The following CPA4 variants were observed in gnomAD, a reference collection of about 807,000 sequenced individuals.
CPA4 encodes the protein carboxypeptidase A4, also known as carboxypeptidase A3.
Under a neutral mutation model 54.7 loss-of-function variants are expected in CPA4, and 49 were observed. The ratio of observed to expected loss-of-function variants is 0.90; its 90% CI spans 0.71 to 1.14. The LOEUF is 1.14. CPA4 is among the 50% of genes most tolerant of loss of function. CPA4 has a pLI of 0.00. For missense variants in CPA4, 487 were observed against 525.1 expected, an observed-to-expected ratio of 0.93 and a Z score of 0.71; for synonymous variants, 215 against 206.8, an observed-to-expected ratio of 1.04 and a Z score of -0.34.
rs565378051 is a variant in CPA4 at position 130,308,939 on chromosome 7, C to T, written c.793+542C>T. The stretch of plus-strand genomic sequence containing the variant: ...CTTGGCTCACTCTCACTGCAACCTC[C>T]GCCTCCCGGGTTCAAGTGATTCTCC... On this transcript the variant is annotated intron_variant, in intron 8 of 10. Transcript: ENST00000222482. 4.0e-5 allele frequency among the ~76,000 whole-genome samples: 6 copies of T among 149,696 alleles called. No individual in the cohort carries two copies. In the East Asian group the frequency reaches 9.8e-4, roughly 25 times the overall value.
Position 130,299,342 on chromosome 7 carries a change from G to T in CPA4, c.223G>T (p.Ala75Ser), listed in dbSNP as rs965718167. ...CCTGGTCCCATCTGTCAGTCTGCAG[G>T]CATTTAAATCCTTCCTGAGATCCCA... Reference protein sequence around the residue: ...DVLVPSVSLQAFKSFLRSQGL... With the variant: ...DVLVPSVSLQSFKSFLRSQGL... Residue 75 changes from alanine to serine, a missense_variant, in exon 3 of 11, where the codon GCA becomes TCA. Coordinates refer to ENST00000222482, the MANE Select transcript of CPA4 (RefSeq NM_016352.4). The T allele has an allele frequency of 6.2e-7, 1 of 1,613,622 alleles. No homozygotes were observed. Among genetic ancestry groups the T allele is most frequent in the African/African-American group, 1.3e-5 (1 of 75,020 alleles).
chr7:130,316,676 G>C (rs62489506), intron 10 of CPA4, among the ~76,000 whole-genome samples: 1 of 152,064 alleles, frequency 6.6e-6, no homozygotes, highest in Non-Finnish European at 1.5e-5. Context: ...GTTGGCTCAC[G>C]CCTGTAATCC....
intron 5 of CPA4, among the ~76,000 whole-genome samples, chr7:130,305,187 C>T (rs1056190134): frequency 1.3e-5 from 2 of 152,196 alleles, no homozygotes; most frequent in African/African-American, 2.4e-5. Flanking sequence ...CCCTCAGCTT[C>T]GTATAAGTCC....
chr7:130,296,134 C>T (rs544575870), intron 1 of CPA4, among the ~76,000 whole-genome samples: 111 of 152,238 alleles, frequency 7.3e-4, no homozygotes, highest in African/African-American at 2.6e-3. Flanking sequence ...ATGGGCCTGA[C>T]AGATGAGAAA....
In CPA4 at chr7:130,300,907, T is replaced by C; in HGVS notation, c.377T>C (p.Leu126Pro). ...NNFNYGAYHS[L>P]EAIYHEMDNI... ...TTCAACTACGGGGCTTACCATTCCC[T>C]GGAAGCTGTAAGTGTTTCAGAGTGG... is the stretch of plus-strand genomic sequence containing the variant. Residue 126 changes from leucine to proline, a missense_variant, in exon 4 of 11, where the codon CTG becomes CCG. Physicochemically the swap from Leu to Pro is moderately conservative, Grantham distance 98 (BLOSUM62 -3). Coordinates refer to ENST00000222482, the MANE Select transcript of CPA4 (RefSeq NM_016352.4). 6.2e-7 allele frequency: 1 copy of C among 1,608,890 alleles called. No homozygotes were observed. The highest frequency in any genetic ancestry group is 1.3e-5 in the African/African-American group (1 of 74,966).
intron 10 of CPA4, among the ~76,000 whole-genome samples, chr7:130,315,626 G>A (rs944738512): frequency 2.6e-5 from 4 of 152,082 alleles, no homozygotes; most frequent in South Asian, 2.1e-4. Context: ...ATTTGGAGGC[G>A]ACAATAGAAA....
chr7:130,302,311 A>G (rs1793750756), intron 4 of CPA4, among the ~76,000 whole-genome samples: 1 of 151,798 alleles, frequency 6.6e-6, no homozygotes, highest in Non-Finnish European at 1.5e-5. Flanking sequence ...ACATGGTGAA[A>G]CCCCGTCTCA....
At chr7:130,315,245 G>C (rs945403659) in intron 10 of CPA4, among the ~76,000 whole-genome samples, 2 of 152,070 alleles carry the variant, frequency 1.3e-5, no homozygotes, top group African/African-American at 4.8e-5. Context: ...GAGGGGAAAC[G>C]AGAGGGGTTG....
chr7:130,296,500 C>A (rs530946692), intron 1 of CPA4, among the ~76,000 whole-genome samples: 1 of 152,088 alleles, frequency 6.6e-6, no homozygotes, highest in Non-Finnish European at 1.5e-5. Context: ...TGGGTGAATG[C>A]GTAACATGAT....
chr7:130,297,165 G>A (rs889145726), intron 1 of CPA4, among the ~76,000 whole-genome samples: 1 of 151,828 alleles, frequency 6.6e-6, no homozygotes, highest in African/African-American at 2.4e-5. Context: ...ATTTTGTCCA[G>A]GATGATCTTG....
At chr7:130,302,815 G>T (rs779925674) in intron 4 of CPA4, among the ~76,000 whole-genome samples, 6 of 152,086 alleles carry the variant, frequency 3.9e-5, no homozygotes, top group Non-Finnish European at 7.4e-5. Context: ...TAGCTCTCAA[G>T]TTCCAGCTCC....
chr7:130,320,520 C>A (rs1195209636), intron 10 of CPA4, among the ~76,000 whole-genome samples: 1 of 152,174 alleles, frequency 6.6e-6, no homozygotes, highest in Non-Finnish European at 1.5e-5. Context: ...CGGAGTCTCA[C>A]TGGAAGCATC....
At chr7:130,298,002 G>A (rs949347252) in intron 1 of CPA4, among the ~76,000 whole-genome samples, 5 of 152,126 alleles carry the variant, frequency 3.3e-5, no homozygotes, top group Admixed American at 6.6e-5. Flanking sequence ...GAGACTGGCC[G>A]GCCCCGTCTG....
chr7:130,322,803 C>G lies in CPA4; in HGVS notation c.*127C>G, dbSNP rs1794138077. The stretch of plus-strand genomic sequence containing the variant: ...TGGGTTTGTGGAGCACACAGGCCTG[C>G]CCCTCTCCAGCCAGCTCCCTGGAGT... On this transcript the variant is annotated 3_prime_UTR_variant, in exon 11 of 11. Transcript: ENST00000222482. 6 of 881,614 alleles carry G rather than the reference C, an allele frequency of 6.8e-6. No individual in the cohort carries two copies. In the South Asian group the frequency reaches 9.3e-5, roughly 14 times the overall value. The allele number at this position is 881,614 out of a possible 1,614,324, so 54.6% of individuals were successfully genotyped here.
At chr7:130,317,465 T>C (rs765275539) in intron 10 of CPA4, among the ~76,000 whole-genome samples, 3 of 152,146 alleles carry the variant, frequency 2.0e-5, no homozygotes, top group African/African-American at 4.8e-5. Flanking sequence ...CCTCCTTTTA[T>C]TTCTCTAAAT....
intron 7 of CPA4, 25 bp downstream of exon 7, chr7:130,306,922 C>A: frequency 7.9e-7 from 1 of 1,259,038 alleles, no homozygotes; most frequent in Non-Finnish European, 1.2e-6. Flanking sequence ...ATGGGCTGGG[C>A]TTGCAGACTG....
At chr7:130,298,319 C>A (rs1256025437) in intron 1 of CPA4, among the ~76,000 whole-genome samples, 1 of 152,160 alleles carries the variant, frequency 6.6e-6, no homozygotes, top group East Asian at 1.9e-4. Context: ...ACATTCCTTC[C>A]TGTAAAATAT....
Position 130,310,490 on chromosome 7 carries a change from C to T in CPA4, c.794-297C>T, listed in dbSNP as rs1793894263. Among the ~76,000 whole-genome samples, 1 of 152,216 alleles carries T rather than the reference C, an allele frequency of 6.6e-6. No homozygotes were observed. On this transcript the variant is annotated intron_variant, in intron 8 of 10. Coordinates refer to ENST00000222482, the MANE Select transcript of CPA4 (RefSeq NM_016352.4). The surrounding 1 kb of genome is among the most constrained non-coding windows in gnomAD (Gnocchi z 4.3). Reference sequence around the variant, plus strand: ...GTATTCATATTAATTATCTAGTCTACTTATTAATTACAACTCATTCTCAAG... The same window carrying T: ...GTATTCATATTAATTATCTAGTCTATTTATTAATTACAACTCATTCTCAAG...
In CPA4 at chr7:130,298,827, G is replaced by A. The variant is rs759503907; in HGVS notation, c.150G>A (p.Lys50=). The part of the protein sequence containing the change: ...LSQLVNSNNL[K]LNFWKSPSSF... Reference sequence around the variant, plus strand: ...AACTAGTGAATTCAAACAACTTGAAGGTACCTGGTTCTTTTTAGCTCTCCT... The same window carrying A: ...AACTAGTGAATTCAAACAACTTGAAAGTACCTGGTTCTTTTTAGCTCTCCT... The change falls in exon 2 of 11, where the codon AAG becomes AAA. Residue 50 remains lysine (K), a splice_region_variant and synonymous_variant. Coordinates refer to ENST00000222482, the MANE Select transcript of CPA4 (RefSeq NM_016352.4). 5.7e-6 allele frequency: 9 copies of A among 1,587,436 alleles called. No individual in the cohort carries two copies. In the Admixed American group the frequency reaches 1.3e-4, roughly 24 times the overall value.
Sources: gnomAD v4.1 joint callset for allele counts (sites outside exome capture counted in the v4.1 genomes callset) on GRCh38, gnomAD v4.1.1 for gene constraint, Gnocchi (gnomAD v3.1) non-coding constraint, MANE v1.5 for transcripts, NCBI Gene and HGNC (gene_info 2026-07-23, HGNC 2026-07-21) for gene names.